The following WWOX variants were observed in gnomAD, a reference collection of about 807,000 sequenced individuals.
WWOX encodes the protein WW domain-containing oxidoreductase.
A neutral mutation model predicts 46.2 loss-of-function variants in WWOX; 69 were observed. The ratio of observed to expected loss-of-function variants is 1.49; its 90% CI spans 1.23 to 1.82. The LOEUF (loss-of-function observed/expected upper bound fraction) is 1.82, where lower values mean the gene tolerates loss of function less well. Among genes scored for constraint, WWOX ranks in the 40% most tolerant of loss-of-function variants. The probability of loss-of-function intolerance (pLI) is 0.00; values close to 1 mark genes in which losing one functional copy is unlikely to be tolerated. For missense variants in WWOX, 919 were observed against 542.6 expected (o/e 1.69, Z -6.89); for synonymous variants, 359 against 202.6 (o/e 1.77, Z -6.56).
intron 8 of WWOX, chr16:78,898,484 C>T (rs939575158): frequency 1.2e-4 from 18 of 152,104 alleles, no homozygotes; most frequent in African/African-American, 4.3e-4. Flanking sequence ...GACTGTTGTA[C>T]TCCATTGATC....
intron 8 of WWOX, among the ~76,000 whole-genome samples, chr16:78,871,288 A>G (rs535844235): frequency 1.3e-4 from 20 of 151,962 alleles, no homozygotes; most frequent in Middle Eastern, 3.4e-3. Context: ...TATAACCTGT[A>G]TGCACTGCTG....
chr16:78,956,453 C>T (rs1388501451), intron 8 of WWOX, among the ~76,000 whole-genome samples: 1 of 152,132 alleles, frequency 6.6e-6, no homozygotes, highest in Non-Finnish European at 1.5e-5. Context: ...CCACTCTAGG[C>T]CTGTATTTGT....
intron 8 of WWOX, among the ~76,000 whole-genome samples, chr16:79,047,267 A>G (rs917369050): frequency 6.6e-6 from 1 of 152,210 alleles, no homozygotes; most frequent in Non-Finnish European, 1.5e-5. Context: ...AAAGGCCACA[A>G]ATACTTGTGT....
chr16:78,291,429 C>T (rs1054154371), intron 5 of WWOX, among the ~76,000 whole-genome samples: 1 of 152,104 alleles, frequency 6.6e-6, no homozygotes, highest in African/African-American at 2.4e-5. Context: ...CGTTTGCCCG[C>T]GAAGGCCACT....
chr16:78,105,188 G>A (rs982981569), intron 1 of WWOX, among the ~76,000 whole-genome samples: 6 of 152,170 alleles, frequency 3.9e-5, no homozygotes, highest in African/African-American at 1.2e-4. Context: ...CAGGCCGGGT[G>A]CAGTGGTTCA....
At chr16:79,158,747 C>G (rs1004319233) in intron 8 of WWOX, among the ~76,000 whole-genome samples, 2 of 152,208 alleles carry the variant, frequency 1.3e-5, no homozygotes, top group Non-Finnish European at 2.9e-5. Context: ...TTTCTTAACT[C>G]TCCAGTCTAA....
chr16:78,990,273 T>C (rs1247977144), intron 8 of WWOX, among the ~76,000 whole-genome samples: 1 of 152,054 alleles, frequency 6.6e-6, no homozygotes, highest in Non-Finnish European at 1.5e-5. Context: ...GCTTTGTAAT[T>C]GCTGCCTGTT....
At chr16:79,148,377 A>G (rs1035704947) in intron 8 of WWOX, among the ~76,000 whole-genome samples, 16 of 152,132 alleles carry the variant, frequency 1.1e-4, no homozygotes, top group African/African-American at 3.9e-4. Flanking sequence ...TGAATTGAGC[A>G]TGTTTGTGTG....
At chr16:79,149,787 G>C (rs2050243589) in intron 8 of WWOX, among the ~76,000 whole-genome samples, 1 of 152,190 alleles carries the variant, frequency 6.6e-6, no homozygotes, top group Admixed American at 6.5e-5. Context: ...ACGTTGCTTG[G>C]TATACATCAC....
intron 8 of WWOX, among the ~76,000 whole-genome samples, chr16:78,871,044 G>A (rs1447274042): frequency 6.6e-6 from 1 of 152,128 alleles, no homozygotes; most frequent in Non-Finnish European, 1.5e-5. Context: ...ATTTCTCGAG[G>A]TAAAACAAGT....
At chr16:78,528,963 T>C (rs544667898) in intron 8 of WWOX, among the ~76,000 whole-genome samples, 2 of 137,596 alleles carry the variant, frequency 1.5e-5, no homozygotes, top group Middle Eastern at 3.8e-3. Context: ...TTTCTTTCTT[T>C]TTTTTTTTTA....
intron 8 of WWOX, among the ~76,000 whole-genome samples, chr16:78,861,231 A>G (rs957086914): frequency 1.3e-5 from 2 of 152,278 alleles, no homozygotes; most frequent in Admixed American, 6.5e-5. Context: ...TAAAAGACTG[A>G]GTAAGAAAGA....
At chr16:78,415,948 T>C (rs975881641) in intron 6 of WWOX, among the ~76,000 whole-genome samples, 3 of 152,176 alleles carry the variant, frequency 2.0e-5, no homozygotes, top group East Asian at 1.9e-4. Context: ...GAGAATGCCA[T>C]GGGGCCACTC....
intron 5 of WWOX, among the ~76,000 whole-genome samples, chr16:78,210,510 C>G (rs11863712): frequency 0.021 from 3,134 of 151,994 alleles, 110 homozygotes; most frequent in African/African-American, 0.071. Flanking sequence ...CAGACACACA[C>G]TCTCTCTCTC....
At chr16:78,730,260 C>T (rs755777080) in intron 8 of WWOX, among the ~76,000 whole-genome samples, 44 of 152,026 alleles carry the variant, frequency 2.9e-4, no homozygotes, top group African/African-American at 1.2e-4. Context: ...GACGTTAGTA[C>T]CTCAATTTTA....
intron 8 of WWOX, among the ~76,000 whole-genome samples, chr16:78,966,944 G>C (rs1374442781): frequency 6.6e-6 from 1 of 152,194 alleles, no homozygotes; most frequent in Non-Finnish European, 1.5e-5. Context: ...CTGGTACATG[G>C]TAAGGGGTTC....
At chr16:78,369,433 G>A (rs2081613636) in intron 5 of WWOX, among the ~76,000 whole-genome samples, 1 of 152,120 alleles carries the variant, frequency 6.6e-6, no homozygotes, top group Non-Finnish European at 1.5e-5. Flanking sequence ...ATAAAGAGAA[G>A]AACCAAAATA....
At chr16:78,840,064 G>C (rs2052096826) in intron 8 of WWOX, among the ~76,000 whole-genome samples, 1 of 152,204 alleles carries the variant, frequency 6.6e-6, no homozygotes, top group Admixed American at 6.5e-5. Context: ...AAGATCAAAT[G>C]AGTTAGCACA....
chr16:78,881,924 A>T lies in WWOX; in HGVS notation c.1057-329684A>T, dbSNP rs1384009621. Among the ~76,000 whole-genome samples the T allele has an allele frequency of 7.4e-4, 113 of 152,156 alleles. 1 individual carries two copies. Among genetic ancestry groups the T allele is most frequent in the Admixed American group, 7.3e-3 (111 of 15,274 alleles). On this transcript the variant is annotated intron_variant, in intron 8 of 8. Transcript: ENST00000566780. ...GATCACTTGAGGTCAGGAGTTTGAGATAATCCTGGCCAACATGGTGAAACC... is the reference window on the plus strand; with the variant it reads ...GATCACTTGAGGTCAGGAGTTTGAGTTAATCCTGGCCAACATGGTGAAACC...
Sources: allele counts gnomAD v4.1 joint callset (sites outside exome capture counted in the v4.1 genomes callset), GRCh38; gene constraint gnomAD v4.1.1; transcripts MANE v1.5; gene names NCBI Gene and HGNC (gene_info 2026-07-23, HGNC 2026-07-21).